Variants in EYS observed in about 807,000 individuals in gnomAD.
The protein encoded by EYS is protein eyes shut homolog.
A neutral mutation model predicts 282.1 loss-of-function variants in EYS; 250 were observed. The observed-to-expected ratio is 0.89, with a 90% confidence interval of 0.80 to 0.98. The LOEUF (loss-of-function observed/expected upper bound fraction) is 0.98, where lower values mean the gene tolerates loss of function less well. Ranked by LOEUF, EYS falls within the 50% of genes least tolerant of loss-of-function variation. EYS has a pLI of 0.00. For missense variants in EYS, 4,016 were observed against 3,709.0 expected, an observed-to-expected ratio of 1.08 and a Z score of -2.15; for synonymous variants, 1,355 against 1,282.9, an observed-to-expected ratio of 1.06 and a Z score of -1.20.
intron 29 of EYS, among the ~76,000 whole-genome samples, chr6:64,328,723 C>G (rs674324): frequency 0.67 from 102,267 of 152,036 alleles, 34,486 homozygotes; most frequent in South Asian, 0.71. Context: ...AAGAGAGAAG[C>G]CAGACACAGA....
chr6:63,919,226 T>C (rs1034582924), intron 35 of EYS, among the ~76,000 whole-genome samples: 5 of 149,824 alleles, frequency 3.3e-5, no homozygotes, highest in Non-Finnish European at 7.4e-5. Flanking sequence ...GAAGACCACA[T>C]GAGTAGTGGG....
chr6:65,689,800 A>G (rs546690166), intron 1 of EYS, among the ~76,000 whole-genome samples: 2 of 149,954 alleles, frequency 1.3e-5, no homozygotes, highest in Non-Finnish European at 3.0e-5. Context: ...TCAACCCAAC[A>G]TCGCCAGATA....
chr6:65,603,956 G>A (rs529559193), intron 2 of EYS, among the ~76,000 whole-genome samples: 1 of 151,658 alleles, frequency 6.6e-6, no homozygotes, highest in Non-Finnish European at 1.5e-5. Context: ...CTTTGTTCAT[G>A]TTTTAGATTT....
intron 22 of EYS, among the ~76,000 whole-genome samples, chr6:64,666,145 G>A (rs1769222750): frequency 6.6e-6 from 1 of 152,146 alleles, no homozygotes; most frequent in Non-Finnish European, 1.5e-5. Flanking sequence ...CGAGGACTGA[G>A]CTTAATACCT....
At chr6:63,763,877 T>C (rs1769713702) in intron 40 of EYS, among the ~76,000 whole-genome samples, 1 of 133,784 alleles carries the variant, frequency 7.5e-6, no homozygotes, top group South Asian at 2.6e-4. Context: ...TTGTTATATA[T>C]ATATATATAT....
chr6:65,700,135 A>AAAAAC (rs1769618410), intron 1 of EYS, among the ~76,000 whole-genome samples: 1 of 150,528 alleles, frequency 6.6e-6, no homozygotes, highest in African/African-American at 2.4e-5. Flanking sequence ...AAAAAAAAAA[A>AAAAAC]AAAACTATAT....
At chr6:65,494,252 T>C (rs1309837780) in intron 4 of EYS, among the ~76,000 whole-genome samples, 2 of 151,472 alleles carry the variant, frequency 1.3e-5, no homozygotes, top group Admixed American at 6.6e-5. Context: ...TTTTTATTTA[T>C]TTTTATTTAT....
rs368126921 is a variant in EYS at position 64,459,200 on chromosome 6, A to T, written c.5645-19848T>A. The stretch of plus-strand genomic sequence containing the variant: ...ATGTTTAATCTTTGAGATGATTTGT[A>T]TAATCTTTTTCCTTTTCCTTCTTCT... On this transcript the variant is annotated intron_variant, in intron 26 of 42. Coordinates refer to ENST00000503581, the MANE Select transcript of EYS (RefSeq NM_001142800.2). 8.5e-5 allele frequency among the ~76,000 whole-genome samples: 13 copies of T among 152,366 alleles called. No homozygotes were observed. In the East Asian group the frequency reaches 2.3e-3, roughly 27 times the overall value.
At chr6:64,913,621 T>C (rs1441793050) in intron 15 of EYS, among the ~76,000 whole-genome samples, 2 of 152,178 alleles carry the variant, frequency 1.3e-5, no homozygotes. Flanking sequence ...GATTCCACAG[T>C]GTATATGCAT....
At chr6:64,185,261 T>C (rs529430818) in intron 31 of EYS, among the ~76,000 whole-genome samples, 1 of 152,290 alleles carries the variant, frequency 6.6e-6, no homozygotes, top group African/African-American at 2.4e-5. Context: ...CAGGAAGACA[T>C]TTTTTAATGT....
At chr6:64,239,526 T>A (rs1247633820) in intron 30 of EYS, among the ~76,000 whole-genome samples, 2 of 152,198 alleles carry the variant, frequency 1.3e-5, no homozygotes, top group Non-Finnish European at 2.9e-5. Context: ...TTTTTTCATA[T>A]GTTTGTTGGC....
intron 19 of EYS, among the ~76,000 whole-genome samples, chr6:64,844,624 A>T (rs1765666482): frequency 6.6e-6 from 1 of 152,000 alleles, no homozygotes; most frequent in Non-Finnish European, 1.5e-5. Flanking sequence ...TTTTCTCCTG[A>T]TGATACCAAG....
rs1259380461 is a variant in EYS, at chr6:64,821,734, GA to G, written c.3165-12del. On this transcript the variant is annotated splice_polypyrimidine_tract_variant and intron_variant, in intron 20 of 42. Transcript: ENST00000503581. ...ATAAGTTCTGTGCACCTGAAACACA[GA>G]ATTAGAATTACATTTTCAAATAAGT... 9 of 1,419,500 alleles carry G rather than the reference GA, an allele frequency of 6.3e-6. No individual in the cohort carries two copies. In the African/African-American group the frequency reaches 1.3e-4, roughly 20 times the overall value. The allele number at this position is 1,419,500 out of a possible 1,614,324, so 87.9% of individuals were successfully genotyped here.
At chr6:65,019,780 C>G (rs528614605) in intron 13 of EYS, among the ~76,000 whole-genome samples, 1 of 152,048 alleles carries the variant, frequency 6.6e-6, no homozygotes, top group African/African-American at 2.4e-5. Context: ...TAAAGACATC[C>G]CTGAGACTGG....
At chr6:65,261,033 C>T (rs962403839) in intron 12 of EYS, among the ~76,000 whole-genome samples, 11 of 151,922 alleles carry the variant, frequency 7.2e-5, no homozygotes, top group African/African-American at 2.4e-4. Flanking sequence ...TTGTTTGGAG[C>T]GACTTTACTT....
rs552602407 is a variant in EYS at position 63,909,093 on chromosome 6, T to G, written c.7056-44735A>C. Reference sequence around the variant, plus strand: ...TGAAAAGGCCCATAGAGCCAGGTCATGAAGGGGATGCATATGCGAAGATGA... The same window carrying G: ...TGAAAAGGCCCATAGAGCCAGGTCAGGAAGGGGATGCATATGCGAAGATGA... On this transcript the variant is annotated intron_variant, in intron 35 of 42. Transcript: ENST00000503581. Among the ~76,000 whole-genome samples, 65 of 152,256 alleles carry G rather than the reference T, an allele frequency of 4.3e-4. 1 individual carries two copies. Among genetic ancestry groups the G allele is most frequent in the African/African-American group, 1.5e-3 (64 of 41,550 alleles).
At chr6:65,357,424 T>C (rs1417164334) in intron 8 of EYS, among the ~76,000 whole-genome samples, 2 of 151,978 alleles carry the variant, frequency 1.3e-5, no homozygotes, top group African/African-American at 4.8e-5. Flanking sequence ...AGTGATGCAA[T>C]CTATTGAGTG....
At chr6:63,753,742 A>G (rs1428840930) in intron 41 of EYS, among the ~76,000 whole-genome samples, 1 of 152,216 alleles carries the variant, frequency 6.6e-6, no homozygotes, top group Non-Finnish European at 1.5e-5. Context: ...GAGTGGAGAC[A>G]GAGAGCTAAA....
chr6:64,191,313 T>C (rs1008508104), intron 31 of EYS, among the ~76,000 whole-genome samples: 3 of 151,876 alleles, frequency 2.0e-5, no homozygotes, highest in African/African-American at 7.2e-5. Context: ...CCTTATTCTT[T>C]TTCATTTTTA....
Sources: gnomAD v4.1 joint callset for allele counts (sites outside exome capture counted in the v4.1 genomes callset) on GRCh38, gnomAD v4.1.1 for gene constraint, MANE v1.5 for transcripts, NCBI Gene and HGNC (gene_info 2026-07-23, HGNC 2026-07-21) for gene names.